Variants in FBN2 observed in about 807,000 individuals in gnomAD.
FBN2 encodes fibrillin 2.
Under a neutral mutation model 355.6 loss-of-function variants are expected in FBN2, and 105 were observed. That is an observed-to-expected ratio of 0.30 (90% CI 0.25 to 0.35). The LOEUF is 0.35. Ranked by LOEUF, FBN2 falls within the 10% of genes least tolerant of loss-of-function variation. FBN2 has a pLI of 1.00. For synonymous variants in FBN2, 1,350 were observed against 1,301.2 expected (o/e 1.04, Z -0.81); for missense variants, 3,280 against 3,758.7 (o/e 0.87, Z 3.33).
rs886059902 is a variant in FBN2 at position 128,378,809 on chromosome 5, G to A, written c.1685C>T (p.Ala562Val). Residue 562 changes from alanine to valine, a missense_variant, in exon 12 of 65, where the codon GCT becomes GTT. This residue lies in a region of FBN2 where 2,284 missense variants were observed against 2,749.5 expected (regional missense o/e 0.83). Coordinates refer to ENST00000262464, the MANE Select transcript of FBN2 (RefSeq NM_001999.4). Reference protein sequence around the residue: ...TPGSYYCKCHAGFQRTPTKQA... With the variant: ...TPGSYYCKCHVGFQRTPTKQA... ...CTTGGTAGGAGTCCTCTGGAATCCA[G>A]CATGACATTTACAATAATAGGAACC... 6 of 1,613,056 alleles carry A rather than the reference G, an allele frequency of 3.7e-6. No homozygotes were observed. In the African/African-American group the frequency reaches 5.3e-5, roughly 14 times the overall value.
At chr5:128,321,061 T>A (rs1750358088) in intron 34 of FBN2, among the ~76,000 whole-genome samples, 1 of 152,208 alleles carries the variant, frequency 6.6e-6, no homozygotes, top group African/African-American at 2.4e-5. Flanking sequence ...TTATGACAAC[T>A]TCTCCATTTG....
chr5:128,349,710 T>C (rs1278082035), intron 22 of FBN2, among the ~76,000 whole-genome samples: 1 of 152,208 alleles, frequency 6.6e-6, no homozygotes, highest in Non-Finnish European at 1.5e-5. Flanking sequence ...TCCCAGCTGT[T>C]CTGGGCCTTA....
chr5:128,415,728 T>C (rs185231279), intron 7 of FBN2, among the ~76,000 whole-genome samples: 1 of 152,348 alleles, frequency 6.6e-6, no homozygotes, highest in Non-Finnish European at 1.5e-5. Flanking sequence ...GTAGTGGAAC[T>C]GCCAGATCAC....
At chr5:128,465,365 A>T (rs6873438) in intron 5 of FBN2, among the ~76,000 whole-genome samples, 2 of 151,898 alleles carry the variant, frequency 1.3e-5, no homozygotes, top group African/African-American at 4.8e-5. Flanking sequence ...ATCCGAGCTC[A>T]GTACATTCAC....
chr5:128,301,509 G>A lies in FBN2; in HGVS notation c.5919C>T (p.Asp1973=), dbSNP rs1749719312. 1 of 1,612,986 alleles carries A rather than the reference G, an allele frequency of 6.2e-7. No homozygotes were observed. Among genetic ancestry groups the A allele is most frequent in the Non-Finnish European group, 8.5e-7 (1 of 1,179,624 alleles). ...CAAAAAAGGAACTGCACTCATCTAT[G>A]TCTGTAAGCAAACAGGAGTATGTTT... The part of the protein sequence containing the change: ...FELTHNNDCL[D]IDECSSFFGQ... Residue 1973 remains aspartate, a splice_region_variant and synonymous_variant, in exon 47 of 65, where the codon GAC becomes GAT. Coordinates refer to ENST00000262464, the MANE Select transcript of FBN2 (RefSeq NM_001999.4).
intron 58 of FBN2, among the ~76,000 whole-genome samples, chr5:128,277,291 G>A (rs1765418594): frequency 6.6e-6 from 1 of 152,324 alleles, no homozygotes; most frequent in South Asian, 2.1e-4. Flanking sequence ...ATATATAGGT[G>A]TGAGTGAGAC....
rs758812755 is a variant in FBN2 at position 128,319,012 on chromosome 5, TA to T, written c.4472-12del. Reference sequence around the variant, plus strand: ...AGCATTCATCAATATCTGAAGATTTTAAAAAAAAGTAATCTCTTATTTAAGA... The same window carrying T: ...AGCATTCATCAATATCTGAAGATTTTAAAAAAAGTAATCTCTTATTTAAGA... On this transcript the variant is annotated splice_polypyrimidine_tract_variant and intron_variant, in intron 34 of 64. Coordinates refer to ENST00000262464, the MANE Select transcript of FBN2 (RefSeq NM_001999.4). 641 of 1,588,140 alleles carry T rather than the reference TA, an allele frequency of 4.0e-4. No homozygotes were observed. The highest frequency in any genetic ancestry group is 7.9e-4 in the Admixed American group (47 of 59,734).
intron 2 of FBN2, among the ~76,000 whole-genome samples, chr5:128,535,914 G>A (rs73787624): frequency 0.031 from 4,670 of 151,824 alleles, 246 homozygotes; most frequent in African/African-American, 0.11. Context: ...TGCTCCTTTC[G>A]TATCTAGGTT....
Position 128,446,609 on chromosome 5 carries a change from G to A in FBN2, c.827-3C>T, listed in dbSNP as rs759308942. 3.7e-6 allele frequency: 6 copies of A among 1,613,146 alleles called. No homozygotes were observed. In the East Asian group the frequency reaches 1.1e-4, roughly 30 times the overall value. The stretch of plus-strand genomic sequence containing the variant: ...GATAGCCTGGCATTCATCAACATCT[G>A]CAAGAAGAAAACATTTTGAACACAG... On this transcript the variant is annotated splice_polypyrimidine_tract_variant and splice_region_variant and intron_variant, in intron 6 of 64. Coordinates refer to ENST00000262464, the MANE Select transcript of FBN2 (RefSeq NM_001999.4).
In FBN2 at chr5:128,444,765, A is replaced by T. The variant is rs141283819; in HGVS notation, c.952+1716T>A. ...CTGTATGCTGCTTTGATGAAATGTA[A>T]CATAGAAAAGCCTCATTCCATTTTT... On this transcript the variant is annotated intron_variant, in intron 7 of 64. Coordinates refer to ENST00000262464, the MANE Select transcript of FBN2 (RefSeq NM_001999.4). Among the ~76,000 whole-genome samples the T allele has an allele frequency of 2.6e-3, 397 of 152,334 alleles. 2 individuals are homozygous for T. Among genetic ancestry groups the T allele is most frequent in the African/African-American group, 8.9e-3 (372 of 41,574 alleles).
At chr5:128,381,980 A>AC (rs772605912) in intron 11 of FBN2, among the ~76,000 whole-genome samples, 2 of 152,034 alleles carry the variant, frequency 1.3e-5, no homozygotes, top group Non-Finnish European at 2.9e-5. Flanking sequence ...ATCATAGTGG[A>AC]CCTAAGACAT....
chr5:128,463,715 C>G (rs1468171817), intron 6 of FBN2, among the ~76,000 whole-genome samples: 1 of 152,114 alleles, frequency 6.6e-6, no homozygotes, highest in African/African-American at 2.4e-5. Flanking sequence ...AGGACACTGA[C>G]CAGGCTTGCT....
intron 36 of FBN2, among the ~76,000 whole-genome samples, chr5:128,314,319 A>G (rs1432029887): frequency 2.0e-5 from 3 of 151,908 alleles, no homozygotes; most frequent in Non-Finnish European, 2.9e-5. Flanking sequence ...AGGTTTATTT[A>G]TATTTATTTG....
chr5:128,284,551 A>C (rs1383626102), intron 55 of FBN2, among the ~76,000 whole-genome samples: 2 of 152,208 alleles, frequency 1.3e-5, no homozygotes, highest in Non-Finnish European at 2.9e-5. Flanking sequence ...GCTGAAAAAT[A>C]GTGTAGCTGG....
intron 5 of FBN2, among the ~76,000 whole-genome samples, chr5:128,500,863 A>C (rs540499380): frequency 1.8e-4 from 28 of 152,294 alleles, no homozygotes; most frequent in Middle Eastern, 3.4e-3. Flanking sequence ...AAGAAAAAAC[A>C]AAAACAAAAA....
At chr5:128,472,921 C>T (rs1754905861) in intron 5 of FBN2, among the ~76,000 whole-genome samples, 1 of 152,038 alleles carries the variant, frequency 6.6e-6, no homozygotes. Context: ...ATAAAGCAAG[C>T]CTGAATATTT....
chr5:128,310,098 C>G lies in FBN2; in HGVS notation c.5085G>C (p.Glu1695Asp). 6.2e-7 allele frequency: 1 copy of G among 1,612,460 alleles called. No homozygotes were observed. The highest frequency in any genetic ancestry group is 8.5e-7 in the Non-Finnish European group (1 of 1,178,670). Residue 1695 changes from glutamate (E) to aspartate (D), a missense_variant, in exon 40 of 65, where the codon GAG (glutamate) becomes GAC (aspartate). By Grantham distance (45) the Glu-to-Asp change is conservative. This residue lies in a region of FBN2 where 2,284 missense variants were observed against 2,749.5 expected (regional missense o/e 0.83). Coordinates refer to ENST00000262464, the MANE Select transcript of FBN2 (RefSeq NM_001999.4). ...CACACACACCAGGATGTGCAAAACA[C>G]TCATCAATATCTAGAGTAGGCAAGA... Reference protein sequence around the residue: ...EDTRICEDIDECFAHPGVCGP... With the variant: ...EDTRICEDIDDCFAHPGVCGP...
At chr5:128,444,678 AAGAACAT>A (rs1354359411) in intron 7 of FBN2, among the ~76,000 whole-genome samples, 1 of 152,310 alleles carries the variant, frequency 6.6e-6, no homozygotes, top group East Asian at 1.9e-4. Flanking sequence ...CTCTTTCCTA[AAGAACAT>A]AGGCAAGTGG....
At chr5:128,467,811 G>T (rs1040979901) in intron 5 of FBN2, among the ~76,000 whole-genome samples, 2 of 152,102 alleles carry the variant, frequency 1.3e-5, no homozygotes, top group Non-Finnish European at 2.9e-5. Flanking sequence ...CACAAATATT[G>T]CTAGTTTGAT....
Sources: gnomAD v4.1 joint callset for allele counts (sites outside exome capture counted in the v4.1 genomes callset) on GRCh38, gnomAD v4.1.1 for gene constraint, gnomAD v4.1.1 regional missense constraint, MANE v1.5 for transcripts, NCBI Gene and HGNC (gene_info 2026-07-23, HGNC 2026-07-21) for gene names.